The following UBAP1 variants were observed in gnomAD, a reference collection of about 807,000 sequenced individuals.
UBAP1 encodes ubiquitin-associated protein 1.
In UBAP1, 5 loss-of-function variants were observed where a neutral mutation model predicts 39.0. That is an observed-to-expected ratio of 0.13 (90% CI 0.07 to 0.27). UBAP1 has a LOEUF of 0.27. Ranked by LOEUF, UBAP1 falls within the 10% of genes least tolerant of loss-of-function variation. UBAP1 has a pLI of 1.00. For missense variants in UBAP1, 490 were observed against 608.1 expected (o/e 0.81, Z 2.04); for synonymous variants, 211 against 225.1 (o/e 0.94, Z 0.56).
intron 4 of UBAP1, among the ~76,000 whole-genome samples, chr9:34,246,009 G>A (rs969130815): frequency 1.3e-5 from 2 of 152,060 alleles, no homozygotes; most frequent in African/African-American, 4.8e-5. Flanking sequence ...TATTTAAAAA[G>A]AATAAGAAAT....
rs530143231 is a variant in UBAP1 at position 34,241,643 on chromosome 9, G to A, written c.618G>A (p.Gly206=). 6.2e-7 allele frequency: 1 copy of A among 1,614,078 alleles called. No individual in the cohort carries two copies. The highest frequency in any genetic ancestry group is 1.3e-5 in the African/African-American group (1 of 74,994). ...ATAACTTGCCCAGGGGAGGCTCTGG[G>A]TCTGTGTTACAGGATGAGGAGGTCC... ...LDNNLPRGGS[G]SVLQDEEVLA... is the part of the protein sequence containing the mutation. The change falls in exon 4 of 7, where the codon GGG becomes GGA. Residue 206 remains glycine (G), a synonymous_variant. Coordinates refer to ENST00000297661, the MANE Select transcript of UBAP1 (RefSeq NM_016525.5).
chr9:34,210,746 T>TA (rs3062511), intron 1 of UBAP1, among the ~76,000 whole-genome samples: 6 of 151,206 alleles, frequency 4.0e-5, no homozygotes, highest in Non-Finnish European at 5.9e-5. Context: ...TTTTTTTTTT[T>TA]ACATGTTTTC....
intron 1 of UBAP1, among the ~76,000 whole-genome samples, chr9:34,198,945 T>G (rs954719454): frequency 2.0e-5 from 3 of 152,254 alleles, no homozygotes; most frequent in Non-Finnish European, 4.4e-5. Flanking sequence ...AAGGGAGTGC[T>G]TAAGCCCTAG....
intron 1 of UBAP1, among the ~76,000 whole-genome samples, chr9:34,209,298 T>C (rs1831891195): frequency 6.6e-6 from 1 of 152,202 alleles, no homozygotes; most frequent in Non-Finnish European, 1.5e-5. Flanking sequence ...GTCCTAATAT[T>C]TACACAAGTT....
rs138917023 is a variant in UBAP1, at chr9:34,241,793, T to C, written c.768T>C (p.Pro256=). 4.3e-6 allele frequency: 7 copies of C among 1,614,090 alleles called. No individual in the cohort carries two copies. The African/African-American group carries it at 9.3e-5, about 22-fold the overall frequency. ...MSLSSKVSLP[P]IPAVSNIKSL... ...TGTCTTCCAAAGTGTCCCTCCCCCC[T>C]ATACCTGCAGTAAGCAATATCAAAT... is the stretch of plus-strand genomic sequence containing the variant. Residue 256 remains proline (P), a synonymous_variant, in exon 4 of 7, where the codon CCT becomes CCC. Coordinates refer to ENST00000297661, the MANE Select transcript of UBAP1 (RefSeq NM_016525.5).
At chr9:34,182,696 T>TCTCTCTCTC (rs746595695) in intron 1 of UBAP1, among the ~76,000 whole-genome samples, 1 of 130,742 alleles carries the variant, frequency 7.6e-6, no homozygotes. Flanking sequence ...TCTCTCTTTC[T>TCTCTCTCTC]TTTCTTTTCT....
At chr9:34,246,764 G>T (rs1191170285) in intron 4 of UBAP1, among the ~76,000 whole-genome samples, 1 of 152,212 alleles carries the variant, frequency 6.6e-6, no homozygotes, top group East Asian at 1.9e-4. Flanking sequence ...AGAAAGGACT[G>T]CCACCTTCTG....
chr9:34,188,440 T>TA (rs1259845970), intron 1 of UBAP1, among the ~76,000 whole-genome samples: 1 of 150,978 alleles, frequency 6.6e-6, no homozygotes, highest in African/African-American at 2.4e-5. Context: ...TTTTTTTTTT[T>TA]TTTTTTTAAA....
chr9:34,198,904 C>T (rs1004638079), intron 1 of UBAP1, among the ~76,000 whole-genome samples: 2 of 152,108 alleles, frequency 1.3e-5, no homozygotes, highest in Non-Finnish European at 1.5e-5. Context: ...CACTCTTACC[C>T]GTCTAATGGG....
In UBAP1 at chr9:34,207,661, CT is replaced by C. The variant is rs535440867; in HGVS notation, c.-7-13235del. ...CTCTTATATTTCTTTTTATTTATTT[CT>C]TTTTTTTTTTTAAAGAGATGGGATC... On this transcript the variant is annotated intron_variant, in intron 1 of 6. Transcript: ENST00000297661. 8.3e-3 allele frequency among the ~76,000 whole-genome samples: 1,180 copies of C among 142,782 alleles called. 14 individuals carry two copies. The highest frequency in any genetic ancestry group is 0.028 in the African/African-American group (1,080 of 38,888). 93.7% of individuals were successfully genotyped at this position (142,782 alleles called of 152,430 possible). A position where few individuals can be genotyped will look rare whatever the true frequency, so the allele number is the denominator to read the frequency against.
intron 1 of UBAP1, among the ~76,000 whole-genome samples, chr9:34,204,699 C>T (rs1281617865): frequency 6.6e-6 from 1 of 151,668 alleles, no homozygotes; most frequent in African/African-American, 2.4e-5. Flanking sequence ...TTTTAAATTT[C>T]AGAGGTTTTT....
At chr9:34,221,819 T>G (rs1832776827) in intron 2 of UBAP1, among the ~76,000 whole-genome samples, 2 of 152,186 alleles carry the variant, frequency 1.3e-5, no homozygotes, top group African/African-American at 4.8e-5. Flanking sequence ...AACTACTATC[T>G]GCCTTTGGAG....
chr9:34,216,123 GAC>G (rs139294438), intron 1 of UBAP1, among the ~76,000 whole-genome samples: 1,582 of 150,930 alleles, frequency 0.01, 21 homozygotes, highest in African/African-American at 0.036. Flanking sequence ...GGAAGTTATT[GAC>G]ACGCGTCTTT....
intron 1 of UBAP1, among the ~76,000 whole-genome samples, chr9:34,216,694 T>C (rs1232599375): frequency 3.0e-5 from 4 of 131,958 alleles, no homozygotes; most frequent in Non-Finnish European, 6.2e-5. Context: ...TTGCCCAAGC[T>C]GGAGTGCAGT....
At chr9:34,227,373 G>T (rs1220182350) in intron 2 of UBAP1, among the ~76,000 whole-genome samples, 2 of 152,094 alleles carry the variant, frequency 1.3e-5, no homozygotes, top group Non-Finnish European at 2.9e-5. Context: ...GTGATAACCA[G>T]TCATGGAATT....
At chr9:34,229,260 C>CTT (rs1263815683) in intron 2 of UBAP1, among the ~76,000 whole-genome samples, 2 of 141,468 alleles carry the variant, frequency 1.4e-5, no homozygotes, top group Non-Finnish European at 3.1e-5. Flanking sequence ...GGATTTTTAT[C>CTT]TTTTTTTTTT....
chr9:34,208,642 G>A (rs1831846377), intron 1 of UBAP1, among the ~76,000 whole-genome samples: 1 of 151,952 alleles, frequency 6.6e-6, no homozygotes, highest in African/African-American at 2.4e-5. Flanking sequence ...GCCGGACGTG[G>A]TGGCGGGCGC....
intron 3 of UBAP1, among the ~76,000 whole-genome samples, chr9:34,236,211 TA>T (rs1469232225): frequency 6.6e-6 from 1 of 152,110 alleles, no homozygotes. Context: ...TATGTTTAGA[TA>T]GGTTTAGATA....
At chr9:34,199,975 T>G (rs1831280386) in intron 1 of UBAP1, among the ~76,000 whole-genome samples, 2 of 151,988 alleles carry the variant, frequency 1.3e-5, no homozygotes, top group South Asian at 4.2e-4. Context: ...TTTTTTCTAT[T>G]TCAGGATCCA....
Sources: allele counts gnomAD v4.1 joint callset (sites outside exome capture counted in the v4.1 genomes callset), GRCh38; gene constraint gnomAD v4.1.1; transcripts MANE v1.5; gene names NCBI Gene and HGNC (gene_info 2026-07-23, HGNC 2026-07-21).